The following DNAJB14 variants were observed in gnomAD, a reference collection of about 807,000 sequenced individuals.
DNAJB14 encodes DnaJ heat shock protein family (Hsp40) member B14.
DNAJB14 carries 22 observed loss-of-function variants against 48.4 expected under a neutral mutation model. The ratio of observed to expected loss-of-function variants is 0.45; its 90% CI spans 0.32 to 0.65. DNAJB14 has a LOEUF of 0.65. Among genes scored for constraint, DNAJB14 ranks in the 30% least tolerant of loss-of-function variants. The pLI, the probability that DNAJB14 is intolerant of heterozygous loss-of-function variation, is 0.03. For synonymous variants in DNAJB14, 142 were observed against 158.7 expected, an observed-to-expected ratio of 0.89 and a Z score of 0.79; for missense variants, 319 against 458.8, an observed-to-expected ratio of 0.70 and a Z score of 2.78.
chr4:99,929,609 G>C (rs892194261), intron 2 of DNAJB14: 6 of 151,794 alleles, frequency 4.0e-5, no homozygotes, highest in Admixed American at 1.3e-4. Context: ...TTGAGAATGG[G>C]GTAAAAAGGT....
At chr4:99,916,287 T>G (rs1054294991) in intron 3 of DNAJB14, among the ~76,000 whole-genome samples, 1 of 152,146 alleles carries the variant, frequency 6.6e-6, no homozygotes, top group Non-Finnish European at 1.5e-5. Context: ...AACAGACACG[T>G]GCTACCACAT....
chr4:99,928,564 TCTTC>T (rs1726341779), intron 2 of DNAJB14: 1 of 444,764 alleles, frequency 2.2e-6, no homozygotes, highest in South Asian at 1.6e-5. Context: ...GCATCAATGC[TCTTC>T]CTTCCTTATT....
intron 1 of DNAJB14, among the ~76,000 whole-genome samples, chr4:99,945,833 T>C (rs1018650934): frequency 1.3e-5 from 2 of 152,208 alleles, no homozygotes; most frequent in African/African-American, 4.8e-5. Flanking sequence ...ATAATCATGG[T>C]GTTATCAAAT....
chr4:99,905,617 A>G lies in DNAJB14; in HGVS notation c.822T>C (p.Pro274=). 1 of 1,611,104 alleles carries G rather than the reference A, an allele frequency of 6.2e-7. No individual in the cohort carries two copies. The highest frequency in any genetic ancestry group is 8.5e-7 in the Non-Finnish European group (1 of 1,179,046). ...CTTACGATCTGGGATATAAGGAATA[A>G]GGAGGATTAGAGACCATCAACTGGC... ...LLSQLMVSNP[P]YSLYPRSGTG... Residue 274 remains proline (P), a synonymous_variant, in exon 6 of 8, where the codon CCT becomes CCC. Coordinates refer to ENST00000442697, the MANE Select transcript of DNAJB14 (RefSeq NM_001031723.4).
At chr4:99,908,001 T>C (rs1156638414) in intron 4 of DNAJB14, among the ~76,000 whole-genome samples, 8 of 152,204 alleles carry the variant, frequency 5.3e-5, no homozygotes, top group Non-Finnish European at 1.0e-4. Flanking sequence ...CTGTTGTTTA[T>C]ATCAATTAGC....
chr4:99,926,550 T>C (rs577422305), intron 2 of DNAJB14: 1 of 152,192 alleles, frequency 6.6e-6, no homozygotes, highest in African/African-American at 2.4e-5. Context: ...CCTAAAGCCA[T>C]TACTACTTGG....
At chr4:99,908,358 A>C (rs1413846435) in intron 4 of DNAJB14, among the ~76,000 whole-genome samples, 1 of 152,142 alleles carries the variant, frequency 6.6e-6, no homozygotes, top group Non-Finnish European at 1.5e-5. Flanking sequence ...CTAGGGAAGC[A>C]ATGTCAAATA....
chr4:99,944,643 G>A (rs1450138199), intron 1 of DNAJB14, among the ~76,000 whole-genome samples: 2 of 150,374 alleles, frequency 1.3e-5, no homozygotes, highest in African/African-American at 2.5e-5. Flanking sequence ...TTGCCATCTC[G>A]ACTCACTGTA....
At chr4:99,903,988 T>C (rs1470525111) in intron 6 of DNAJB14, 90 bp from the exon 7 acceptor site, 12 of 1,360,226 alleles carry the variant, frequency 8.8e-6, no homozygotes, top group Admixed American at 2.5e-5. Context: ...TTAAAAATCA[T>C]TGAAAAGTTA....
chr4:99,914,541 G>C (rs1452674369), intron 3 of DNAJB14, among the ~76,000 whole-genome samples: 4 of 152,082 alleles, frequency 2.6e-5, no homozygotes, highest in African/African-American at 9.6e-5. Context: ...AATACCTTAT[G>C]TAAATGACGA....
rs904503549 is a variant in DNAJB14 at position 99,896,448 on chromosome 4, T to C, written c.*4580A>G. 1 of 152,230 alleles carries C rather than the reference T, an allele frequency of 6.6e-6. No homozygotes were observed. Among genetic ancestry groups the C allele is most frequent in the African/African-American group, 2.4e-5 (1 of 41,468 alleles). The allele number at this position is 152,230 out of a possible 1,614,324, so 9.4% of individuals were successfully genotyped here. On this transcript the variant is annotated 3_prime_UTR_variant, in exon 8 of 8. Transcript: ENST00000442697. ...CATTTTGAAATCTAATTTTTAATCC[T>C]GAATGCATTATAGACAAAGTAAGCT... is the stretch of plus-strand genomic sequence containing the variant.
chr4:99,906,234 G>C, intron 5 of DNAJB14: 1 of 1,335,938 alleles, frequency 7.5e-7, no homozygotes, highest in South Asian at 1.3e-5. Context: ...AAATTCTTCA[G>C]GGCCAACAAT....
chr4:99,916,399 A>C (rs1402806229), intron 3 of DNAJB14, among the ~76,000 whole-genome samples: 1 of 152,202 alleles, frequency 6.6e-6, no homozygotes, highest in Non-Finnish European at 1.5e-5. Context: ...TTGCCTCCCA[A>C]AGTGCTAGGA....
chr4:99,923,268 C>G, intron 2 of DNAJB14, 83 bp from the exon 3 acceptor site: 1 of 1,195,790 alleles, frequency 8.4e-7, no homozygotes, highest in Non-Finnish European at 1.1e-6. Context: ...TATTAGAATA[C>G]TATAAAGAAC....
At chr4:99,906,271 G>C (rs1399319144) in intron 5 of DNAJB14, 1 of 1,153,358 alleles carries the variant, frequency 8.7e-7, no homozygotes, top group Non-Finnish European at 1.2e-6. Context: ...AACATGCATA[G>C]TGCAGGTGTA....
At position 99,946,474 on chromosome 4, in the gene DNAJB14, T is replaced by A; in HGVS notation, c.98A>T (p.Lys33Met). Residue 33 changes from lysine to methionine, a missense_variant, in exon 1 of 8, where the codon AAG becomes ATG. Coordinates refer to ENST00000442697, the MANE Select transcript of DNAJB14 (RefSeq NM_001031723.4). Reference protein sequence around the residue: ...NREKAQRFLQKAEKLYPLPSA... With the variant: ...NREKAQRFLQMAEKLYPLPSA... ...GGGCAGTGGGTAGAGCTTCTCGGCCTTCTGCAGGAAGCGCTGGGCCTTCTC... is the reference window on the plus strand; with the variant it reads ...GGGCAGTGGGTAGAGCTTCTCGGCCATCTGCAGGAAGCGCTGGGCCTTCTC... 6.2e-7 allele frequency: 1 copy of A among 1,613,516 alleles called. No homozygotes were observed. The highest frequency in any genetic ancestry group is 8.5e-7 in the Non-Finnish European group (1 of 1,179,700).
At chr4:99,943,904 A>G (rs1014975884) in intron 1 of DNAJB14, among the ~76,000 whole-genome samples, 2 of 152,210 alleles carry the variant, frequency 1.3e-5, no homozygotes, top group African/African-American at 2.4e-5. Flanking sequence ...ACAAACTTAA[A>G]AACTTATGTG....
intron 3 of DNAJB14, among the ~76,000 whole-genome samples, chr4:99,913,190 A>C (rs1725726809): frequency 6.6e-6 from 1 of 152,110 alleles, no homozygotes; most frequent in Admixed American, 6.5e-5. Context: ...TTCTCTCTTT[A>C]ACGCAGTGAT....
intron 3 of DNAJB14, among the ~76,000 whole-genome samples, chr4:99,915,324 A>G (rs1350037108): frequency 6.6e-6 from 1 of 152,114 alleles, no homozygotes; most frequent in Non-Finnish European, 1.5e-5. Flanking sequence ...TTTTTAGTAG[A>G]GATGGGGTTT....
Sources: gnomAD v4.1 joint callset for allele counts (sites outside exome capture counted in the v4.1 genomes callset) on GRCh38, gnomAD v4.1.1 for gene constraint, MANE v1.5 for transcripts, NCBI Gene and HGNC (gene_info 2026-07-23, HGNC 2026-07-21) for gene names.